Variants in BACH2 observed in about 807,000 individuals in gnomAD.
BACH2 encodes the protein transcription regulator protein BACH2.
A neutral mutation model predicts 61.8 loss-of-function variants in BACH2; 5 were observed. The observed-to-expected ratio is 0.08, with a 90% confidence interval of 0.04 to 0.17. BACH2 has a LOEUF of 0.17. Among genes scored for constraint, BACH2 ranks in the 10% least tolerant of loss-of-function variants. The pLI, the probability that BACH2 is intolerant of heterozygous loss-of-function variation, is 1.00. For synonymous variants in BACH2, 446 were observed against 440.1 expected (o/e 1.01, Z -0.17); for missense variants, 824 against 1,091.1 (o/e 0.76, Z 3.45).
At chr6:90,048,961 G>T (rs1458392848) in intron 5 of BACH2, among the ~76,000 whole-genome samples, 1 of 152,134 alleles carries the variant, frequency 6.6e-6, no homozygotes, top group Non-Finnish European at 1.5e-5. Flanking sequence ...CAACTTGCAG[G>T]GTTCTAGTGA....
rs1276933783 is a variant in BACH2 at position 89,933,015 on chromosome 6, G to A, written c.2044-125C>T. 9 of 1,114,210 alleles carry A rather than the reference G, an allele frequency of 8.1e-6. No individual in the cohort carries two copies. The Admixed American group carries it at 1.8e-4, about 22-fold the overall frequency. 69.0% of individuals were successfully genotyped at this position (1,114,210 alleles called of 1,614,324 possible). A position where few individuals can be genotyped will look rare whatever the true frequency, so the allele number is the denominator to read the frequency against. Reference sequence around the variant, plus strand: ...TATAATGTAACTCAAGAATGACTAGGTCAGGCTCTAGAAACTTAAAGATAC... The same window carrying A: ...TATAATGTAACTCAAGAATGACTAGATCAGGCTCTAGAAACTTAAAGATAC... On this transcript the variant is annotated intron_variant, in intron 8 of 8. Coordinates refer to ENST00000257749, the MANE Select transcript of BACH2 (RefSeq NM_021813.4).
At chr6:89,985,092 G>A (rs1285245519) in intron 6 of BACH2, among the ~76,000 whole-genome samples, 2 of 152,132 alleles carry the variant, frequency 1.3e-5, no homozygotes, top group Admixed American at 1.3e-4. Flanking sequence ...TGGGCGGTGG[G>A]TGCTTGCAGG....
In BACH2 at chr6:90,147,755, T is replaced by C. The variant is rs189263930; in HGVS notation, c.-161-58646A>G. On this transcript the variant is annotated intron_variant, in intron 4 of 8. Coordinates refer to ENST00000257749, the MANE Select transcript of BACH2 (RefSeq NM_021813.4). ...CCGTAATTGAAAAAATAAAGTTATC[T>C]GGTTATCACAAGTGCACAGCTTTTC... 3.3e-5 allele frequency among the ~76,000 whole-genome samples: 5 copies of C among 152,352 alleles called. No individual in the cohort carries two copies. The East Asian group carries it at 9.6e-4, about 29-fold the overall frequency.
intron 5 of BACH2, among the ~76,000 whole-genome samples, chr6:90,031,808 C>T (rs1778997019): frequency 6.6e-6 from 1 of 152,102 alleles, no homozygotes; most frequent in Admixed American, 6.5e-5. Context: ...CAGTGCCATC[C>T]CCATCAAGCT....
Position 89,938,137 on chromosome 6 carries a change from A to C in BACH2, c.2043+7T>G. ...GGTTGCTGATCACAATGGATGGGTC[A>C]ACTCACCAATTTGCGGATTTCACAT... On this transcript the variant is annotated splice_region_variant and intron_variant, in intron 8 of 8. Coordinates refer to ENST00000257749, the MANE Select transcript of BACH2 (RefSeq NM_021813.4). 6.2e-7 allele frequency: 1 copy of C among 1,611,706 alleles called. No individual in the cohort carries two copies. Among genetic ancestry groups the C allele is most frequent in the Non-Finnish European group, 8.5e-7 (1 of 1,177,824 alleles).
intron 5 of BACH2, chr6:90,080,607 AC>A (rs1206441030): frequency 4.1e-6 from 1 of 244,460 alleles, no homozygotes; most frequent in South Asian, 1.5e-4. Context: ...GTCCCAGGAT[AC>A]CAATTAAAAT....
chr6:90,189,378 G>A (rs1464481432), intron 4 of BACH2, among the ~76,000 whole-genome samples: 4 of 151,716 alleles, frequency 2.6e-5, no homozygotes, highest in Admixed American at 6.6e-5. Flanking sequence ...GGAGGCCGAG[G>A]CGGGTGGATC....
intron 4 of BACH2, among the ~76,000 whole-genome samples, chr6:90,202,081 C>T (rs1462087248): frequency 6.6e-6 from 1 of 152,194 alleles, no homozygotes; most frequent in Non-Finnish European, 1.5e-5. Context: ...GCCAGAACAG[C>T]AGCTGTCTTA....
In BACH2 at chr6:89,938,230, G is replaced by A; in HGVS notation, c.1957C>T (p.Arg653Cys). Residue 653 changes from arginine (R) to cysteine (C), a missense_variant, in exon 8 of 9, where the codon CGC (arginine) becomes TGC (cysteine). Around this residue, in one of 8 missense-constraint regions of BACH2, gnomAD observed 160 missense variants for 283.5 expected, o/e 0.56. Transcript: ENST00000257749. ...TGGGCCGCGATGCGGTTCTTGCTGC[G>A]CCGTCGGACATCATGAATAAACTCT... ...QLEFIHDVRR[R>C]SKNRIAAQRC... 1 of 1,614,188 alleles carries A rather than the reference G, an allele frequency of 6.2e-7. No homozygotes were observed. The highest frequency in any genetic ancestry group is 8.5e-7 in the Non-Finnish European group (1 of 1,180,026).
intron 2 of BACH2, among the ~76,000 whole-genome samples, chr6:90,264,198 T>C (rs1208379386): frequency 1.3e-5 from 2 of 152,204 alleles, no homozygotes; most frequent in Non-Finnish European, 2.9e-5. Context: ...TTTTGTCCTC[T>C]GTCTGAAGTT....
At position 90,002,278 on chromosome 6, in the gene BACH2, T is replaced by C. The variant is rs78418687; in HGVS notation, c.243+6324A>G. On this transcript the variant is annotated intron_variant, in intron 6 of 8. Coordinates refer to ENST00000257749, the MANE Select transcript of BACH2 (RefSeq NM_021813.4). ...TCGAGAAAGCTCCAAGGCTCAATCC[T>C]GGGACTTCTTTTCCTTTCTATCTCC... Among the ~76,000 whole-genome samples the C allele has an allele frequency of 5.7e-3, 870 of 152,318 alleles. 19 individuals carry two copies. The highest frequency in any genetic ancestry group is 0.02 in the African/African-American group (836 of 41,564).
intron 2 of BACH2, among the ~76,000 whole-genome samples, chr6:90,269,705 T>C (rs1422983907): frequency 5.3e-5 from 8 of 152,140 alleles, no homozygotes; most frequent in African/African-American, 1.7e-4. Flanking sequence ...CTAAAACAAA[T>C]AGCAGCCCCA....
intron 1 of BACH2, among the ~76,000 whole-genome samples, chr6:90,289,342 T>G (rs536802762): frequency 2.0e-5 from 3 of 152,328 alleles, no homozygotes; most frequent in Non-Finnish European, 2.9e-5. Context: ...CGGCTTCTAG[T>G]GATCACACCT....
intron 4 of BACH2, among the ~76,000 whole-genome samples, chr6:90,179,745 A>G (rs1044886911): frequency 1.3e-5 from 2 of 152,258 alleles, no homozygotes; most frequent in African/African-American, 2.4e-5. Context: ...GATTAATTAA[A>G]GCCATTTATA....
intron 1 of BACH2, among the ~76,000 whole-genome samples, chr6:90,295,764 A>G (rs1441421839): frequency 2.0e-5 from 3 of 152,002 alleles, no homozygotes; most frequent in African/African-American, 4.8e-5. Flanking sequence ...CTTAGGTCTT[A>G]GCTACGCGGG....
chr6:89,952,095 C>G (rs943967830), intron 6 of BACH2: 6 of 571,844 alleles, frequency 1.0e-5, no homozygotes, highest in East Asian at 9.0e-5. Flanking sequence ...TGAAAATCAC[C>G]AGGGTCAAGT....
chr6:89,942,206 T>C (rs891888380), intron 7 of BACH2, among the ~76,000 whole-genome samples: 17 of 137,504 alleles, frequency 1.2e-4, no homozygotes, highest in African/African-American at 4.2e-4. Context: ...TCGGGGTGGG[T>C]GGGAACTTGA....
At chr6:90,064,316 T>C (rs1046033648) in intron 5 of BACH2, among the ~76,000 whole-genome samples, 4 of 152,042 alleles carry the variant, frequency 2.6e-5, no homozygotes, top group African/African-American at 9.7e-5. Context: ...ATGCGTAGTA[T>C]CTCAACAGGC....
At chr6:89,988,335 T>A (rs1310717297) in intron 6 of BACH2, among the ~76,000 whole-genome samples, 1 of 152,192 alleles carries the variant, frequency 6.6e-6, no homozygotes, top group Non-Finnish European at 1.5e-5. Flanking sequence ...GCCTATCAGG[T>A]GAGCAAGGGT....
Sources: gnomAD v4.1 joint callset for allele counts (sites outside exome capture counted in the v4.1 genomes callset) on GRCh38, gnomAD v4.1.1 for gene constraint, gnomAD v4.1.1 regional missense constraint, MANE v1.5 for transcripts, NCBI Gene and HGNC (gene_info 2026-07-23, HGNC 2026-07-21) for gene names.